The following PDIA3 variants were observed in gnomAD, a reference collection of about 807,000 sequenced individuals.
The protein encoded by PDIA3 is protein disulfide isomerase family A member 3, also known as protein disulfide-isomerase A3.
A neutral mutation model predicts 56.9 loss-of-function variants in PDIA3; 16 were observed. The ratio of observed to expected loss-of-function variants is 0.28; its 90% CI spans 0.19 to 0.43. The LOEUF (loss-of-function observed/expected upper bound fraction) is 0.43, where lower values mean the gene tolerates loss of function less well. PDIA3 is among the 20% of genes least tolerant of loss of function. The probability of loss-of-function intolerance (pLI) is 1.00; values close to 1 mark genes in which losing one functional copy is unlikely to be tolerated. For missense variants in PDIA3, 485 were observed against 621.3 expected, an observed-to-expected ratio of 0.78 and a Z score of 2.33; for synonymous variants, 192 against 216.5, an observed-to-expected ratio of 0.89 and a Z score of 0.99.
At chr15:43,757,442 T>C (rs2086785657) in intron 3 of PDIA3, among the ~76,000 whole-genome samples, 1 of 151,314 alleles carries the variant, frequency 6.6e-6, no homozygotes, top group African/African-American at 2.4e-5. Flanking sequence ...CCTGTAGTCC[T>C]AGCTGCTCGG....
intron 10 of PDIA3, 125 bp from the exon 11 acceptor site, chr15:43,770,125 A>T (rs932683385): frequency 2.7e-6 from 2 of 732,502 alleles, no homozygotes; most frequent in Non-Finnish European, 2.3e-6. Flanking sequence ...GCGCACCACC[A>T]CACCCGGCTA....
intron 7 of PDIA3, among the ~76,000 whole-genome samples, chr15:43,766,307 G>C (rs150093899): frequency 1.3e-5 from 2 of 152,098 alleles, no homozygotes; most frequent in South Asian, 4.1e-4. Context: ...CATGTATTTC[G>C]TAGGTGTTTC....
intron 2 of PDIA3, among the ~76,000 whole-genome samples, chr15:43,755,239 A>G (rs2086771036): frequency 6.6e-6 from 1 of 152,140 alleles, no homozygotes; most frequent in Non-Finnish European, 1.5e-5. Flanking sequence ...AGACAGGACA[A>G]TCGCTTGAAC....
In PDIA3 at chr15:43,766,775, A is replaced by G. The variant is rs371416144; in HGVS notation, c.893A>G (p.Asn298Ser). Residue 298 changes from asparagine (N) to serine (S), a missense_variant, in exon 8 of 13, where the codon AAC (asparagine) becomes AGC (serine). By Grantham distance (46) the Asn-to-Ser change is conservative. Transcript: ENST00000300289. ...TTCCTGGATGCTGGGCACAAACTCAACTTTGCTGTAGCTAGCCGCAAAACC... is the reference window on the plus strand; with the variant it reads ...TTCCTGGATGCTGGGCACAAACTCAGCTTTGCTGTAGCTAGCCGCAAAACC... ...KKFLDAGHKLNFAVASRKTFS... is the reference protein window; with the variant it reads ...KKFLDAGHKLSFAVASRKTFS... 2.0e-5 allele frequency: 32 copies of G among 1,613,940 alleles called. No individual in the cohort carries two copies. The highest frequency in any genetic ancestry group is 1.2e-4 in the African/African-American group (9 of 75,046).
At chr15:43,761,342 C>T in intron 3 of PDIA3, 82 bp from the exon 4 acceptor site, 1 of 732,978 alleles carries the variant, frequency 1.4e-6, no homozygotes, top group Non-Finnish European at 2.4e-6. Context: ...TTTGTACCTT[C>T]TGAATTGTGA....
intron 9 of PDIA3, among the ~76,000 whole-genome samples, chr15:43,769,227 T>C (rs757751850): frequency 1.2e-4 from 19 of 152,226 alleles, no homozygotes; most frequent in Non-Finnish European, 4.4e-5. Flanking sequence ...TAGCTTGGAC[T>C]GCAGGCATGT....
intron 2 of PDIA3, among the ~76,000 whole-genome samples, chr15:43,755,090 C>G (rs1401314152): frequency 6.6e-6 from 1 of 152,108 alleles, no homozygotes; most frequent in Non-Finnish European, 1.5e-5. Context: ...CTTTGACAGG[C>G]TGAGGAGGGC....
intron 5 of PDIA3, among the ~76,000 whole-genome samples, chr15:43,764,701 G>A (rs953128014): frequency 6.6e-6 from 1 of 152,004 alleles, no homozygotes; most frequent in African/African-American, 2.4e-5. Context: ...CTCCTGACCT[G>A]AGGTGATCTG....
intron 1 of PDIA3, chr15:43,751,726 G>A (rs774405697): frequency 2.5e-4 from 319 of 1,300,512 alleles, no homozygotes; most frequent in Non-Finnish European, 3.1e-4. Flanking sequence ...CACACACCTG[G>A]TTGCTCCCCA....
At chr15:43,768,444 G>A (rs373499031) in intron 8 of PDIA3, 45 bp from the exon 9 acceptor site, 20 of 1,383,938 alleles carry the variant, frequency 1.4e-5, no homozygotes, top group South Asian at 7.0e-5. Flanking sequence ...TTTTCTCAGC[G>A]GTGGGAATAG....
At chr15:43,752,516 C>G (rs1190554457) in intron 1 of PDIA3, among the ~76,000 whole-genome samples, 1 of 152,200 alleles carries the variant, frequency 6.6e-6, no homozygotes, top group Non-Finnish European at 1.5e-5. Context: ...TGCACTCAGT[C>G]TGAAAAACAT....
At chr15:43,759,510 T>TG (rs2086801024) in intron 3 of PDIA3, among the ~76,000 whole-genome samples, 1 of 152,158 alleles carries the variant, frequency 6.6e-6, no homozygotes, top group Non-Finnish European at 1.5e-5. Flanking sequence ...TTCTTTCTCT[T>TG]GAAGTTGCAG....
intron 7 of PDIA3, 52 bp downstream of exon 7, chr15:43,766,064 C>G (rs781253306): frequency 1.3e-6 from 2 of 1,526,832 alleles, no homozygotes; most frequent in Admixed American, 3.6e-5. Flanking sequence ...AATGTATAGA[C>G]AGTCCCTTCT....
At position 43,768,027 on chromosome 15, in the gene PDIA3, C is replaced by T. The variant is rs139705853; in HGVS notation, c.1029-462C>T. ...AATTTCAAACCAAACCATTCCCCCC[C>T]CTCATCCCTACAGAATGTATTTTCT... On this transcript the variant is annotated intron_variant, in intron 8 of 12. Coordinates refer to ENST00000300289, the MANE Select transcript of PDIA3 (RefSeq NM_005313.5). Among the ~76,000 whole-genome samples, 5 of 152,142 alleles carry T rather than the reference C, an allele frequency of 3.3e-5. No individual in the cohort carries two copies. In the East Asian group the frequency reaches 7.7e-4, roughly 23 times the overall value.
intron 3 of PDIA3, among the ~76,000 whole-genome samples, chr15:43,760,964 G>A (rs2086811330): frequency 6.6e-6 from 1 of 151,790 alleles, no homozygotes; most frequent in Non-Finnish European, 1.5e-5. Flanking sequence ...TCTTGGCTGG[G>A]TGTGGTGGCT....
rs1315778877 is a variant in PDIA3, at chr15:43,765,498, C to T, written c.651C>T (p.Asp217=). The T allele has an allele frequency of 6.2e-7, 1 of 1,612,500 alleles. No individual in the cohort carries two copies. The highest frequency in any genetic ancestry group is 8.5e-7 in the Non-Finnish European group (1 of 1,179,092). The change falls in exon 6 of 13, where the codon GAC becomes GAT. Residue 217 remains aspartate, a synonymous_variant. Coordinates refer to ENST00000300289, the MANE Select transcript of PDIA3 (RefSeq NM_005313.5). ...RPSHLTNKFE[D]KTVAYTEQKM... ...CACATCTCACTAACAAGTTTGAGGA[C>T]AAGACTGTGGCATATACAGAGCAAA...
At chr15:43,766,134 TAAAAA>T in intron 7 of PDIA3, 122 bp downstream of exon 7, 38 of 337,290 alleles carry the variant, frequency 1.1e-4, no homozygotes, top group Admixed American at 2.2e-4. Flanking sequence ...TAAGAAGAGG[TAAAAA>T]AAAAAAAAAA....
At chr15:43,747,624 G>A (rs1235542353) in intron 1 of PDIA3, among the ~76,000 whole-genome samples, 1 of 151,720 alleles carries the variant, frequency 6.6e-6, no homozygotes, top group East Asian at 1.9e-4. Flanking sequence ...AGTAAACAGT[G>A]ATTCCTTTAT....
intron 2 of PDIA3, among the ~76,000 whole-genome samples, chr15:43,755,571 A>G (rs962365090): frequency 6.6e-6 from 1 of 152,134 alleles, no homozygotes; most frequent in Admixed American, 6.6e-5. Context: ...ATATAAGGCT[A>G]TTTTTGGAAA....
Sources: allele counts gnomAD v4.1 joint callset (sites outside exome capture counted in the v4.1 genomes callset), GRCh38; gene constraint gnomAD v4.1.1; transcripts MANE v1.5; gene names NCBI Gene and HGNC (gene_info 2026-07-23, HGNC 2026-07-21).